The following KANK1 variants were observed in gnomAD, a reference collection of about 807,000 sequenced individuals.
KANK1 encodes the protein KN motif and ankyrin repeat domains 1.
KANK1 carries 109 observed loss-of-function variants against 106.2 expected under a neutral mutation model. The ratio of observed to expected loss-of-function variants is 1.03; its 90% confidence interval spans 0.88 to 1.20. The LOEUF (loss-of-function observed/expected upper bound fraction) is 1.20, where lower values mean the gene tolerates loss of function less well. KANK1 is among the 50% of genes most tolerant of loss of function. The probability of loss-of-function intolerance (pLI) is 0.00; values close to 1 mark genes in which losing one functional copy is unlikely to be tolerated. For synonymous variants in KANK1, 873 were observed against 652.2 expected (o/e 1.34, Z -5.16); for missense variants, 2,399 against 1,710.7 (o/e 1.40, Z -7.10).
intron 1 of KANK1, among the ~76,000 whole-genome samples, chr9:505,628 G>C (rs1451344476): frequency 1.3e-5 from 2 of 152,256 alleles, no homozygotes; most frequent in Non-Finnish European, 1.5e-5. Context: ...CACGAGCCGT[G>C]CTGCACGAGC....
At chr9:540,195 C>T (rs577550245) in intron 1 of KANK1, among the ~76,000 whole-genome samples, 9 of 152,240 alleles carry the variant, frequency 5.9e-5, no homozygotes, top group East Asian at 1.9e-4. Context: ...TTTATTATGT[C>T]GAGGTCCATT....
chr9:727,585 G>C (rs971360293), intron 3 of KANK1, among the ~76,000 whole-genome samples: 1 of 151,936 alleles, frequency 6.6e-6, no homozygotes, highest in Admixed American at 6.6e-5. Context: ...CAAAGTGCTG[G>C]AATTACAGGC....
At chr9:677,846 T>G (rs963165339) in intron 2 of KANK1, among the ~76,000 whole-genome samples, 8 of 152,296 alleles carry the variant, frequency 5.3e-5, no homozygotes, top group African/African-American at 1.4e-4. Context: ...CCAGGAAACC[T>G]GAATTTGAGT....
chr9:609,612 A>T (rs535457951), intron 1 of KANK1, among the ~76,000 whole-genome samples: 1 of 152,170 alleles, frequency 6.6e-6, no homozygotes. Context: ...CCTGGGTGAC[A>T]AGAGTGAGAC....
At chr9:504,338 G>T (rs1359813066), upstream of KANK1, among the ~76,000 whole-genome samples, 2 of 151,756 alleles carry the variant, frequency 1.3e-5, no homozygotes, top group Non-Finnish European at 2.9e-5. Context: ...GCCGCGGCGA[G>T]GCCCGCGGGC....
At chr9:740,717 C>T in intron 8 of KANK1, 75 bp from the exon 9 acceptor site, 1 of 1,508,432 alleles carries the variant, frequency 6.6e-7, no homozygotes, top group Non-Finnish European at 9.0e-7. Context: ...AACACCATCC[C>T]TTCAGTGGCT....
At position 567,604 on chromosome 9, in the gene KANK1, A is replaced by G. The variant is rs1187957641; in HGVS notation, c.-84+62850A>G. On this transcript the variant is annotated intron_variant, in intron 1 of 11. Transcript: ENST00000382297. Reference sequence around the variant, plus strand: ...ACCTTCTGCATTGATTGGAGCCAGCAAAGAGAACTTTTGCAGCATTTCTTA... The same window carrying G: ...ACCTTCTGCATTGATTGGAGCCAGCGAAGAGAACTTTTGCAGCATTTCTTA... Among the ~76,000 whole-genome samples the G allele has an allele frequency of 2.4e-4, 36 of 152,258 alleles. 2 individuals carry two copies. The highest frequency in any genetic ancestry group is 2.4e-3 in the Admixed American group (36 of 15,284).
chr9:715,027 G>C (rs1464002970), intron 3 of KANK1, among the ~76,000 whole-genome samples: 1 of 152,154 alleles, frequency 6.6e-6, no homozygotes, highest in African/African-American at 2.4e-5. Context: ...GTCTGATGGG[G>C]CAATGATTAA....
Position 597,977 on chromosome 9 carries a change from C to G in KANK1, c.-83-78913C>G, listed in dbSNP as rs371965761. Among the ~76,000 whole-genome samples, 7 of 151,798 alleles carry G rather than the reference C, an allele frequency of 4.6e-5. No individual in the cohort carries two copies. The East Asian group carries it at 9.7e-4, about 21-fold the overall frequency. ...ACCACCCCTGGCCTCCCTATGTTTT[C>G]TTCTAAGAAGTTATGCTTTTATTTT... On this transcript the variant is annotated intron_variant, in intron 1 of 11. Coordinates refer to ENST00000382297, the MANE Select transcript of KANK1 (RefSeq NM_015158.5).
chr9:588,127 C>T (rs1243325993), intron 1 of KANK1, among the ~76,000 whole-genome samples: 1 of 151,744 alleles, frequency 6.6e-6, no homozygotes, highest in Non-Finnish European at 1.5e-5. Context: ...GCTGGTAAAC[C>T]CACACTGGTT....
intron 1 of KANK1, among the ~76,000 whole-genome samples, chr9:563,841 G>C (rs1349966436): frequency 2.0e-5 from 3 of 152,158 alleles, no homozygotes; most frequent in African/African-American, 7.2e-5. Flanking sequence ...TCACTAGAAA[G>C]TGATATAAAA....
chr9:676,775 C>T (rs911387089), intron 1 of KANK1, 115 bp from the exon 2 acceptor site: 2 of 518,204 alleles, frequency 3.9e-6, no homozygotes, highest in South Asian at 2.4e-5. Flanking sequence ...GTCTTTCTCC[C>T]CCCATTCCGA....
intron 1 of KANK1, among the ~76,000 whole-genome samples, chr9:571,784 T>G (rs774718049): frequency 6.6e-6 from 1 of 152,234 alleles, no homozygotes; most frequent in Non-Finnish European, 1.5e-5. Flanking sequence ...TCAGAAAAGT[T>G]AAAGAATTCA....
At chr9:685,258 A>G (rs540432901) in intron 2 of KANK1, among the ~76,000 whole-genome samples, 1 of 152,244 alleles carries the variant, frequency 6.6e-6, no homozygotes, top group Non-Finnish European at 1.5e-5. Flanking sequence ...TGGTAGTTCT[A>G]TACGATGAGT....
chr9:726,640 A>G (rs1457440786), intron 3 of KANK1, among the ~76,000 whole-genome samples: 2 of 151,794 alleles, frequency 1.3e-5, no homozygotes, highest in African/African-American at 4.8e-5. Flanking sequence ...TCTGTCTCGA[A>G]AGAAGAAAAC....
At chr9:693,978 A>T (rs1820605745) in intron 2 of KANK1, among the ~76,000 whole-genome samples, 1 of 152,314 alleles carries the variant, frequency 6.6e-6, no homozygotes, top group South Asian at 2.1e-4. Flanking sequence ...TAACATAAAG[A>T]TGTCATTGTT....
chr9:702,586 G>A (rs1311451549), intron 2 of KANK1, among the ~76,000 whole-genome samples: 2 of 152,192 alleles, frequency 1.3e-5, no homozygotes, highest in South Asian at 2.1e-4. Context: ...TAAGTCGAAT[G>A]TGTGAATAAA....
chr9:600,853 C>T (rs1343678819), intron 1 of KANK1, among the ~76,000 whole-genome samples: 1 of 151,824 alleles, frequency 6.6e-6, no homozygotes, highest in Non-Finnish European at 1.5e-5. Context: ...CTAACATGTT[C>T]TAAAGTTAAA....
rs576278942 is a variant in KANK1, at chr9:620,579, A to AT, written c.-83-56304dup. 1.2e-4 allele frequency among the ~76,000 whole-genome samples: 18 copies of AT among 151,668 alleles called. 1 individual carries two copies. The highest frequency in any genetic ancestry group is 8.5e-4 in the Admixed American group (13 of 15,218). On this transcript the variant is annotated intron_variant, in intron 1 of 11. Transcript: ENST00000382297. ...CACCACACCCGGCTAATTTTTTGGT[A>AT]TTTTTTTAGTAGAGATGGGGTTTCA...
Sources: gnomAD v4.1 joint callset for allele counts (sites outside exome capture counted in the v4.1 genomes callset) on GRCh38, gnomAD v4.1.1 for gene constraint, MANE v1.5 for transcripts, NCBI Gene and HGNC (gene_info 2026-07-23, HGNC 2026-07-21) for gene names.